Variants in CAPG observed in about 807,000 individuals in gnomAD.
CAPG encodes the protein capping actin protein, gelsolin like.
In CAPG, 32 loss-of-function variants were observed where a neutral mutation model predicts 44.6. That is an observed-to-expected ratio of 0.72 (90% confidence interval 0.54 to 0.96). The LOEUF is 0.96. Ranked by LOEUF, CAPG falls within the 50% of genes least tolerant of loss-of-function variation. CAPG has a pLI of 0.00. For synonymous variants in CAPG, 175 were observed against 179.6 expected (o/e 0.97, Z 0.20); for missense variants, 412 against 438.3 (o/e 0.94, Z 0.54).
At chr2:85,398,921 G>A in intron 6 of CAPG, 139 bp from the exon 7 acceptor site, 1 of 824,582 alleles carries the variant, frequency 1.2e-6, no homozygotes. Context: ...GGTGAGTGAG[G>A]GCTGAGTCCA....
At chr2:85,400,610 C>T (rs568102068) in intron 5 of CAPG, among the ~76,000 whole-genome samples, 3 of 152,306 alleles carry the variant, frequency 2.0e-5, no homozygotes, top group Admixed American at 6.5e-5. Context: ...GGTGGCTCAG[C>T]TCACCTTCTC....
chr2:85,394,189 G>A (rs1573169397), downstream of CAPG, among the ~76,000 whole-genome samples: 1 of 152,380 alleles, frequency 6.6e-6, no homozygotes, highest in East Asian at 1.9e-4. Context: ...TTACCCAAGA[G>A]AATGAACTAA....
upstream of CAPG, among the ~76,000 whole-genome samples, chr2:85,412,810 T>C (rs1056132253): frequency 6.6e-6 from 1 of 152,136 alleles, no homozygotes; most frequent in African/African-American, 2.4e-5. Flanking sequence ...AGCTAGACAA[T>C]TTGGCTCCTT....
upstream of CAPG, among the ~76,000 whole-genome samples, chr2:85,411,226 C>A (rs907209480): frequency 6.6e-6 from 1 of 152,208 alleles, no homozygotes; most frequent in Non-Finnish European, 1.5e-5. Flanking sequence ...CATGCTGATG[C>A]CTCTCAGGTC....
At chr2:85,404,517 G>A (rs181562580) in intron 1 of CAPG, among the ~76,000 whole-genome samples, 2,028 of 152,176 alleles carry the variant, frequency 0.013, 22 homozygotes, top group Non-Finnish European at 0.019. Context: ...TTGGGAGGCC[G>A]AGGTGGGTGG....
intron 8 of CAPG, among the ~76,000 whole-genome samples, chr2:85,396,641 C>T (rs1278563523): frequency 6.6e-6 from 1 of 152,050 alleles, no homozygotes; most frequent in Non-Finnish European, 1.5e-5. Context: ...TTCCTTGCTC[C>T]GGTTTATACA....
Position 85,398,696 on chromosome 2 carries a change from C to T in CAPG, c.753G>A (p.Leu251=). ...ADKANAQAAA[L]YKVSDATGQM... The stretch of plus-strand genomic sequence containing the variant: ...GCAGGCTTGGGGGGCCCACCTTATA[C>T]AGAGCTGCGGCCTGGGCATTTGCCT... The change falls in exon 7 of 10, where the codon CTG becomes CTA. Residue 251 remains leucine (L), a synonymous_variant. Coordinates refer to ENST00000263867, the MANE Select transcript of CAPG (RefSeq NM_001747.4). The T allele has an allele frequency of 1.2e-6, 2 of 1,600,366 alleles. No individual in the cohort carries two copies. Among genetic ancestry groups the T allele is most frequent in the South Asian group, 1.1e-5 (1 of 88,490 alleles).
chr2:85,398,225 C>G, intron 7 of CAPG, 73 bp from the exon 8 acceptor site: 2 of 1,535,432 alleles, frequency 1.3e-6, no homozygotes, highest in Admixed American at 1.8e-5. Context: ...GAGGGGGAGG[C>G]TGGTCCTCCC....
Position 85,401,781 on chromosome 2 carries a change from T to C in CAPG, c.196+4A>G. On this transcript the variant is annotated splice_donor_region_variant and intron_variant, in intron 3 of 9. Coordinates refer to ENST00000263867, the MANE Select transcript of CAPG (RefSeq NM_001747.4). Reference sequence around the variant, plus strand: ...CCAACCTTCCCCCATCCAGATCCCCTTACCTATCCACAGGTGCAGATGGGA... The same window carrying C: ...CCAACCTTCCCCCATCCAGATCCCCCTACCTATCCACAGGTGCAGATGGGA... 1 of 1,613,030 alleles carries C rather than the reference T, an allele frequency of 6.2e-7. No individual in the cohort carries two copies. The highest frequency in any genetic ancestry group is 8.5e-7 in the Non-Finnish European group (1 of 1,179,286).
intron 7 of CAPG, 100 bp downstream of exon 7, chr2:85,398,590 C>A: frequency 2.1e-6 from 2 of 957,340 alleles, no homozygotes. Context: ...GCCCCACCTT[C>A]CCCCTGCCTT....
At chr2:85,416,655 G>A (rs546966194) in intron 1 of CAPG, among the ~76,000 whole-genome samples, 5 of 152,268 alleles carry the variant, frequency 3.3e-5, no homozygotes, top group Non-Finnish European at 7.3e-5. Flanking sequence ...TGGGACTACA[G>A]GCGCACGCCA....
upstream of CAPG, among the ~76,000 whole-genome samples, chr2:85,412,388 C>T (rs1391810000): frequency 3.3e-5 from 5 of 152,032 alleles, no homozygotes; most frequent in African/African-American, 9.7e-5. Flanking sequence ...TGGCGCATGC[C>T]TGTAATCTCA....
intron 1 of CAPG, among the ~76,000 whole-genome samples, chr2:85,403,618 G>A (rs1392879172): frequency 1.3e-5 from 2 of 152,208 alleles, no homozygotes; most frequent in African/African-American, 4.8e-5. Flanking sequence ...GCTGGACACG[G>A]TGGCTCACGC....
chr2:85,393,279 G>A (rs192972347), downstream of CAPG, among the ~76,000 whole-genome samples: 1,141 of 150,904 alleles, frequency 7.6e-3, 65 homozygotes, highest in Admixed American at 0.07. Context: ...TAAGGAGTCC[G>A]CCTGCCTCTG....
intron 3 of CAPG, 48 bp downstream of exon 3, chr2:85,401,737 C>T (rs771795135): frequency 1.9e-6 from 3 of 1,613,066 alleles, no homozygotes; most frequent in South Asian, 1.1e-5. Flanking sequence ...TACCAGCCCC[C>T]TCCCTCCCCT....
chr2:85,400,671 C>T (rs1331439265), intron 5 of CAPG, among the ~76,000 whole-genome samples: 4 of 152,186 alleles, frequency 2.6e-5, no homozygotes, highest in African/African-American at 4.8e-5. Context: ...CCAATGTCAC[C>T]TTCCTGGGAC....
chr2:85,416,496 T>C (rs1345644821), intron 1 of CAPG, among the ~76,000 whole-genome samples: 4 of 152,028 alleles, frequency 2.6e-5, no homozygotes, highest in South Asian at 2.1e-4. Flanking sequence ...AACATCAAAA[T>C]TCCCCCAAAT....
At chr2:85,398,581 C>A in intron 7 of CAPG, 109 bp downstream of exon 7, 2 of 910,906 alleles carry the variant, frequency 2.2e-6, no homozygotes, top group Admixed American at 2.2e-5. Flanking sequence ...TCGGTTCCAG[C>A]CCCACCTTCC....
chr2:85,415,782 G>A (rs1170066644), intron 1 of CAPG, among the ~76,000 whole-genome samples: 7 of 152,194 alleles, frequency 4.6e-5, no homozygotes, highest in South Asian at 2.1e-4. Context: ...TCTGTGAAAC[G>A]AGAACAGAAG....
Sources: gnomAD v4.1 joint callset for allele counts (sites outside exome capture counted in the v4.1 genomes callset) on GRCh38, gnomAD v4.1.1 for gene constraint, MANE v1.5 for transcripts, NCBI Gene and HGNC (gene_info 2026-07-23, HGNC 2026-07-21) for gene names.